The following UBP1 variants were observed in gnomAD, a reference collection of about 807,000 sequenced individuals.
UBP1 encodes upstream-binding protein 1.
Under a neutral mutation model 76.1 loss-of-function variants are expected in UBP1, and 22 were observed. The observed-to-expected ratio is 0.29, with a 90% CI of 0.21 to 0.41. The LOEUF (loss-of-function observed/expected upper bound fraction) is 0.41, where lower values mean the gene tolerates loss of function less well. Ranked by LOEUF, UBP1 falls within the 10% of genes least tolerant of loss-of-function variation. The pLI, the probability that UBP1 is intolerant of heterozygous loss-of-function variation, is 1.00. For missense variants in UBP1, 436 were observed against 668.1 expected (o/e 0.65, Z 3.83); for synonymous variants, 224 against 237.1 (o/e 0.94, Z 0.51).
rs751508062 is a variant in UBP1, at chr3:33,412,698, T to C, written c.448+24A>G. On this transcript the variant is annotated intron_variant, in intron 4 of 15. Coordinates refer to ENST00000283629, the MANE Select transcript of UBP1 (RefSeq NM_014517.5). ...TAGCTAAACAATACCCTCATCTCCA[T>C]GGTCTTTTGATCACTGCCTGTACCT... The C allele has an allele frequency of 2.8e-6, 4 of 1,442,578 alleles. No individual in the cohort carries two copies. In the African/African-American group the frequency reaches 4.2e-5, roughly 15 times the overall value. 89.4% of individuals were successfully genotyped at this position (1,442,578 alleles called of 1,614,324 possible). A position where few individuals can be genotyped will look rare whatever the true frequency, so the allele number is the denominator to read the frequency against.
intron 10 of UBP1, among the ~76,000 whole-genome samples, 185 bp downstream of exon 10, chr3:33,400,777 T>C (rs1013931653): frequency 1.2e-4 from 18 of 152,212 alleles, no homozygotes; most frequent in African/African-American, 4.3e-4. Context: ...CAGAGTAGGA[T>C]GACTATACCT....
chr3:33,417,083 T>G (rs372489207), intron 2 of UBP1, among the ~76,000 whole-genome samples: 18 of 152,342 alleles, frequency 1.2e-4, no homozygotes, highest in African/African-American at 3.8e-4. Flanking sequence ...TACACTAAAC[T>G]TTTATTATGC....
intron 2 of UBP1, among the ~76,000 whole-genome samples, chr3:33,420,376 A>G (rs2044856153): frequency 6.6e-6 from 1 of 151,980 alleles, no homozygotes. Flanking sequence ...CCCAGGCTGG[A>G]GTACAGTGGT....
intron 13 of UBP1, among the ~76,000 whole-genome samples, chr3:33,395,750 GAA>G (rs61654235): frequency 2.9e-4 from 20 of 69,778 alleles, no homozygotes; most frequent in African/African-American, 8.8e-4. Context: ...CAGGAAAATT[GAA>G]AAAAAAAAAA....
At chr3:33,440,564 G>C (rs1055173603), upstream of UBP1, 1 of 152,426 alleles carries the variant, frequency 6.6e-6, no homozygotes, top group Non-Finnish European at 1.5e-5. Context: ...TCCCAGCCGG[G>C]GTGGCCTCGC....
At chr3:33,436,699 C>A (rs1188687953) in intron 1 of UBP1, among the ~76,000 whole-genome samples, 1 of 152,100 alleles carries the variant, frequency 6.6e-6, no homozygotes, top group Non-Finnish European at 1.5e-5. Flanking sequence ...CCAGGTGGTC[C>A]AAAGACCCTC....
intron 1 of UBP1, among the ~76,000 whole-genome samples, chr3:33,429,371 C>G (rs948565011): frequency 6.7e-6 from 1 of 150,332 alleles, no homozygotes; most frequent in Non-Finnish European, 1.5e-5. Context: ...TTTTTTAAGA[C>G]AGGGTCTGGC....
intron 1 of UBP1, among the ~76,000 whole-genome samples, chr3:33,439,326 G>C (rs182822299): frequency 6.6e-6 from 1 of 152,328 alleles, no homozygotes; most frequent in Admixed American, 6.5e-5. Context: ...AACAAAGTAG[G>C]AACTGATCCC....
rs780537794 is a variant in UBP1 at position 33,396,147 on chromosome 3, G to A, written c.1390+15C>T. ...GTCTCAGAAGTGACAGAATTGAGAT[G>A]CCCTCAATACCTACCATAGGGTGCC... On this transcript the variant is annotated intron_variant, in intron 13 of 15. Coordinates refer to ENST00000283629, the MANE Select transcript of UBP1 (RefSeq NM_014517.5). The A allele has an allele frequency of 2.6e-6, 4 of 1,526,198 alleles. No homozygotes were observed. The Admixed American group carries it at 6.9e-5, about 26-fold the overall frequency. 94.5% of individuals were successfully genotyped at this position (1,526,198 alleles called of 1,614,324 possible).
intron 8 of UBP1, among the ~76,000 whole-genome samples, chr3:33,407,611 A>G (rs2044462117): frequency 6.6e-6 from 1 of 152,014 alleles, no homozygotes. Context: ...CACTAGGATG[A>G]GTACAATTTC....
chr3:33,404,937 T>C (rs1385805407), intron 8 of UBP1, among the ~76,000 whole-genome samples: 2 of 152,236 alleles, frequency 1.3e-5, no homozygotes, highest in Non-Finnish European at 2.9e-5. Flanking sequence ...CAAGATGCAT[T>C]TCCAATAATA....
At chr3:33,433,365 TAAAAAAAA>T (rs1170395728) in intron 1 of UBP1, among the ~76,000 whole-genome samples, 3 of 113,086 alleles carry the variant, frequency 2.7e-5, no homozygotes, top group Admixed American at 8.9e-5. Context: ...ACCCAGCCTT[TAAAAAAAA>T]AAAAAAAAAA....
At chr3:33,396,364 G>T in intron 12 of UBP1, 84 bp from the exon 13 acceptor site, 2 of 1,015,428 alleles carry the variant, frequency 2.0e-6, no homozygotes, top group Non-Finnish European at 2.9e-6. Flanking sequence ...AGGAATCTAA[G>T]TTCTATTTCC....
chr3:33,416,560 G>A (rs550672802), intron 3 of UBP1, among the ~76,000 whole-genome samples, 198 bp downstream of exon 3: 2 of 152,106 alleles, frequency 1.3e-5, no homozygotes, highest in South Asian at 4.1e-4. Context: ...ATTGCTCCTT[G>A]ATTTCCAAGG....
intron 3 of UBP1, 83 bp downstream of exon 3, chr3:33,416,675 T>C (rs2044736864): frequency 9.3e-7 from 1 of 1,072,754 alleles, no homozygotes; most frequent in Non-Finnish European, 1.3e-6. Context: ...CAACAATTAT[T>C]GAAGTGAAAT....
chr3:33,404,343 C>T (rs2044355849), intron 8 of UBP1, among the ~76,000 whole-genome samples: 4 of 151,746 alleles, frequency 2.6e-5, no homozygotes, highest in Non-Finnish European at 5.9e-5. Context: ...ACCTGGGAGG[C>T]GGGGGTTGCA....
rs768155545 is a variant in UBP1, at chr3:33,425,666, G to A, written c.189C>T (p.Pro63=). The part of the protein sequence containing the change: ...LPLDGETEHP[P]FQYVMCAATS... ...TTGCAGCACACATCACATACTGAAA[G>A]GGTGGGTGCTCTGTTTCACCATCCA... The change falls in exon 2 of 16, where the codon CCC becomes CCT. Residue 63 remains proline (P), a synonymous_variant. Transcript: ENST00000283629. The A allele has an allele frequency of 1.9e-6, 3 of 1,604,448 alleles. No homozygotes were observed. The highest frequency in any genetic ancestry group is 1.7e-5 in the Admixed American group (1 of 59,936).
intron 5 of UBP1, 117 bp downstream of exon 5, chr3:33,411,464 A>T: frequency 2.4e-6 from 2 of 839,782 alleles, no homozygotes; most frequent in Non-Finnish European, 3.8e-6. Flanking sequence ...ATAGAAAGAC[A>T]CTACAACATA....
Position 33,390,074 on chromosome 3 carries a change from C to A in UBP1, c.*257G>T. 2.3e-6 allele frequency: 1 copy of A among 433,936 alleles called. No individual in the cohort carries two copies. 26.9% of individuals were successfully genotyped at this position (433,936 alleles called of 1,614,324 possible). ...TACTGGCCTCTGCCAGAGCAGCAGG[C>A]AGCTATGCCTGCACCGTGGCCTCCA... On this transcript the variant is annotated 3_prime_UTR_variant, in exon 16 of 16. Transcript: ENST00000283629.
Sources: allele counts gnomAD v4.1 joint callset (sites outside exome capture counted in the v4.1 genomes callset), GRCh38; gene constraint gnomAD v4.1.1; transcripts MANE v1.5; gene names NCBI Gene and HGNC (gene_info 2026-07-23, HGNC 2026-07-21).